The following ISM2 variants were observed in gnomAD, a reference collection of about 807,000 sequenced individuals.
ISM2 encodes the protein isthmin-2.
ISM2 carries 50 observed loss-of-function variants against 58.0 expected under a neutral mutation model. The observed-to-expected ratio is 0.86, with a 90% CI of 0.69 to 1.09. ISM2 has a LOEUF of 1.09. Among genes scored for constraint, ISM2 ranks in the 50% least tolerant of loss-of-function variants. The probability of loss-of-function intolerance (pLI) is 0.00; values close to 1 mark genes in which losing one functional copy is unlikely to be tolerated. For missense variants in ISM2, 723 were observed against 745.0 expected (o/e 0.97, Z 0.34); for synonymous variants, 303 against 312.4 (o/e 0.97, Z 0.32).
At chr14:77,493,748 C>T (rs1555371582) in intron 1 of ISM2, among the ~76,000 whole-genome samples, 3 of 151,942 alleles carry the variant, frequency 2.0e-5, no homozygotes, top group Non-Finnish European at 1.5e-5. Context: ...AGGCGTGAGC[C>T]ACTGCGGCCA....
At chr14:77,476,389 T>C (rs1321526279) in intron 6 of ISM2, among the ~76,000 whole-genome samples, 1 of 152,136 alleles carries the variant, frequency 6.6e-6, no homozygotes, top group Non-Finnish European at 1.5e-5. Flanking sequence ...TGCTGAATGG[T>C]GGGAAAGGTT....
chr14:77,494,029 G>A (rs1178163569), intron 1 of ISM2, among the ~76,000 whole-genome samples: 1 of 151,714 alleles, frequency 6.6e-6, no homozygotes, highest in East Asian at 1.9e-4. Context: ...CGCCCGCCTC[G>A]GCCTCCCAAA....
intron 1 of ISM2, 149 bp downstream of exon 1, chr14:77,498,504 G>A: frequency 7.9e-7 from 1 of 1,264,286 alleles, no homozygotes; most frequent in Non-Finnish European, 1.1e-6. Flanking sequence ...CCCGGTGTCC[G>A]GGAGCTTCCG....
In ISM2 at chr14:77,488,933, C is replaced by T. The variant is rs185613660; in HGVS notation, c.142-4014G>A. On this transcript the variant is annotated intron_variant, in intron 1 of 6. Coordinates refer to ENST00000342219, the MANE Select transcript of ISM2 (RefSeq NM_199296.3). ...CACCTCTCTCCATCTTCTAAGCTTA[C>T]ATGTGGAGTTGCATGCATGTACAAA... 7.6e-4 allele frequency among the ~76,000 whole-genome samples: 116 copies of T among 152,300 alleles called. 2 individuals carry two copies. The highest frequency in any genetic ancestry group is 1.3e-4 in the Non-Finnish European group (9 of 68,036).
intron 1 of ISM2, among the ~76,000 whole-genome samples, chr14:77,487,698 C>T (rs549857737): frequency 2.6e-5 from 4 of 152,274 alleles, no homozygotes; most frequent in African/African-American, 2.4e-5. Context: ...TCTCTTGAAG[C>T]CTACCCCAAG....
chr14:77,494,442 G>A lies in ISM2; in HGVS notation c.141+4211C>T, dbSNP rs536008843. Among the ~76,000 whole-genome samples, 14 of 152,024 alleles carry A rather than the reference G, an allele frequency of 9.2e-5. No individual in the cohort carries two copies. In the East Asian group the frequency reaches 1.7e-3, roughly 19 times the overall value. ...GATGGAGACTCACTCTGTCTCCCAG[G>A]CTGGAGTGCAGTGGCACAATCTCGG... On this transcript the variant is annotated intron_variant, in intron 1 of 6. Coordinates refer to ENST00000342219, the MANE Select transcript of ISM2 (RefSeq NM_199296.3).
chr14:77,484,595 C>G, intron 2 of ISM2, 30 bp from the exon 3 acceptor site: 1 of 1,603,980 alleles, frequency 6.2e-7, no homozygotes, highest in South Asian at 1.1e-5. Flanking sequence ...GGTGAGGTGA[C>G]AGGTTAGGGC....
chr14:77,486,847 C>G lies in ISM2; in HGVS notation c.142-1928G>C, dbSNP rs148592501. Among the ~76,000 whole-genome samples, 1,197 of 151,076 alleles carry G rather than the reference C, an allele frequency of 7.9e-3. 11 individuals are homozygous for G. The highest frequency in any genetic ancestry group is 0.027 in the Middle Eastern group (8 of 294). On this transcript the variant is annotated intron_variant, in intron 1 of 6. Coordinates refer to ENST00000342219, the MANE Select transcript of ISM2 (RefSeq NM_199296.3). ...AGCTAGAGGAGGTTTCTACTAGTAT[C>G]TAGTAGGCACAGGCCAGGAATGCTG...
intron 4 of ISM2, among the ~76,000 whole-genome samples, chr14:77,480,402 G>C (rs11851627): frequency 0.94 from 142,739 of 152,094 alleles, 67,641 homozygotes; most frequent in East Asian, 1. Context: ...AATCCTCAGG[G>C]TGTGCAGGGC....
At chr14:77,496,220 G>A (rs2079239282) in intron 1 of ISM2, among the ~76,000 whole-genome samples, 1 of 151,472 alleles carries the variant, frequency 6.6e-6, no homozygotes, top group South Asian at 2.1e-4. Context: ...CGGGCATGGT[G>A]GCTCACGCCT....
rs370221298 is a variant in ISM2, at chr14:77,475,765, C to T, written c.1546G>A (p.Asp516Asn). The change falls in exon 7 of 7, where the codon GAC becomes AAC. Residue 516 changes from aspartate to asparagine, a missense_variant. Asp to Asn is a conservative substitution (Grantham distance 23). Coordinates refer to ENST00000342219, the MANE Select transcript of ISM2 (RefSeq NM_199296.3). The surrounding 1 kb of genome is among the most constrained non-coding windows in gnomAD (Gnocchi z 4.1). ...GAGMPNLIST[D>N]FSPKLHFKFD... is the part of the protein sequence containing the mutation. ...TTGAAGTGCAGCTTAGGTGAGAAGT[C>T]GGTGCTGATGAGGTTGGGCATGCCG... The T allele has an allele frequency of 9.3e-6, 15 of 1,613,278 alleles. No homozygotes were observed. The highest frequency in any genetic ancestry group is 4.5e-5 in the East Asian group (2 of 44,868).
At chr14:77,479,163 C>T (rs908772210) in intron 4 of ISM2, among the ~76,000 whole-genome samples, 1 of 151,752 alleles carries the variant, frequency 6.6e-6, no homozygotes, top group East Asian at 1.9e-4. Flanking sequence ...ACTTCCTGGG[C>T]TCAAGCAATC....
chr14:77,478,402 C>G, intron 5 of ISM2, 77 bp from the exon 6 acceptor site: 3 of 1,465,560 alleles, frequency 2.0e-6, no homozygotes, highest in Non-Finnish European at 1.9e-6. Context: ...CCCCCCACCT[C>G]AATAGGCTCT....
In ISM2 at chr14:77,487,496, C is replaced by A. The variant is rs75688223; in HGVS notation, c.142-2577G>T. ...GTTCCTTTCCAGACCTCTCTACCCA[C>A]TCCTCTCCCTGGTGCCCAGTCAGAC... On this transcript the variant is annotated intron_variant, in intron 1 of 6. Transcript: ENST00000342219. Among the ~76,000 whole-genome samples, 667 of 152,298 alleles carry A rather than the reference C, an allele frequency of 4.4e-3. 3 individuals carry two copies. Among genetic ancestry groups the A allele is most frequent in the African/African-American group, 0.015 (603 of 41,570 alleles).
chr14:77,491,287 T>C (rs1275332293), intron 1 of ISM2, among the ~76,000 whole-genome samples: 1 of 152,222 alleles, frequency 6.6e-6, no homozygotes, highest in Non-Finnish European at 1.5e-5. Context: ...TTCATGGCCA[T>C]TTAACCCCTG....
chr14:77,478,608 C>T lies in ISM2; in HGVS notation c.1081G>A (p.Glu361Lys), dbSNP rs756988588. Residue 361 changes from glutamate to lysine, a missense_variant, in exon 5 of 7, where the codon GAG becomes AAG. By Grantham distance (56) the Glu-to-Lys change is moderately conservative (BLOSUM62 1). Coordinates refer to ENST00000342219, the MANE Select transcript of ISM2 (RefSeq NM_199296.3). ...RPCGYGCTAT[E>K]TRTCDLPSCP... ...GAGGGCAGGTCACAGGTACGGGTCT[C>T]GGTGGCAGTGCAGCCATAGCCACAG... 8.7e-6 allele frequency: 14 copies of T among 1,613,660 alleles called. No individual in the cohort carries two copies. The highest frequency in any genetic ancestry group is 3.3e-5 in the South Asian group (3 of 91,064).
At position 77,482,422 on chromosome 14, in the gene ISM2, A is replaced by G; in HGVS notation, c.873T>C (p.Asp291=). ...EGEDQEDKEE[D]EEEQALWFNG... ...TGAACCAGAGCGCCTGCTCTTCCTC[A>G]TCTTCCTCTTTGTCCTCTTGATCCT... The change falls in exon 4 of 7, where the codon GAT becomes GAC. Residue 291 remains aspartate, a synonymous_variant. Coordinates refer to ENST00000342219, the MANE Select transcript of ISM2 (RefSeq NM_199296.3). The G allele has an allele frequency of 6.2e-7, 1 of 1,614,116 alleles. No homozygotes were observed. The highest frequency in any genetic ancestry group is 2.2e-5 in the East Asian group (1 of 44,866).
chr14:77,483,069 C>G (rs937798279), intron 3 of ISM2, among the ~76,000 whole-genome samples: 2 of 152,178 alleles, frequency 1.3e-5, no homozygotes, highest in Non-Finnish European at 2.9e-5. Flanking sequence ...CATGGTAGGG[C>G]TGGAAGCTGA....
chr14:77,490,345 C>T (rs2079195452), intron 1 of ISM2, among the ~76,000 whole-genome samples: 1 of 152,034 alleles, frequency 6.6e-6, no homozygotes, highest in Admixed American at 6.6e-5. Context: ...AAAAATGTGG[C>T]CAGTTGGCTT....
Sources: allele counts gnomAD v4.1 joint callset (sites outside exome capture counted in the v4.1 genomes callset), GRCh38; gene constraint gnomAD v4.1.1; non-coding constraint Gnocchi (gnomAD v3.1); transcripts MANE v1.5; gene names NCBI Gene and HGNC (gene_info 2026-07-23, HGNC 2026-07-21).